The following SLC38A4 variants were observed in gnomAD, a reference collection of about 807,000 sequenced individuals.
The protein encoded by SLC38A4 is sodium-coupled neutral amino acid transporter 4.
A neutral mutation model predicts 63.1 loss-of-function variants in SLC38A4; 20 were observed. The ratio of observed to expected loss-of-function variants is 0.32; its 90% CI spans 0.22 to 0.46. The LOEUF (loss-of-function observed/expected upper bound fraction) is 0.46. Ranked by LOEUF, SLC38A4 falls within the 20% of genes least tolerant of loss-of-function variation. The probability of loss-of-function intolerance (pLI) is 1.00; values close to 1 mark genes in which losing one functional copy is unlikely to be tolerated. For missense variants in SLC38A4, 526 were observed against 663.6 expected, an observed-to-expected ratio of 0.79 and a Z score of 2.28; for synonymous variants, 230 against 225.5, an observed-to-expected ratio of 1.02 and a Z score of -0.18.
intron 5 of SLC38A4, among the ~76,000 whole-genome samples, chr12:46,785,463 T>C (rs573694338): frequency 2.0e-5 from 3 of 152,228 alleles, no homozygotes; most frequent in Admixed American, 2.0e-4. Context: ...TATAGCAACA[T>C]TAGCAAATGC....
At chr12:46,815,381 AC>A (rs998719459) in intron 1 of SLC38A4, among the ~76,000 whole-genome samples, 10 of 150,440 alleles carry the variant, frequency 6.6e-5, no homozygotes, top group African/African-American at 2.4e-4. Context: ...AATTAAGACC[AC>A]TTTTTGCTCG....
intron 1 of SLC38A4, among the ~76,000 whole-genome samples, chr12:46,822,864 T>C (rs370196236): frequency 1.3e-3 from 203 of 152,308 alleles, no homozygotes; most frequent in African/African-American, 4.3e-3. Flanking sequence ...TAAAGAATAA[T>C]GGAAAGCATT....
At chr12:46,778,240 GA>G in intron 12 of SLC38A4, 48 bp downstream of exon 12, 1 of 1,555,042 alleles carries the variant, frequency 6.4e-7, no homozygotes, top group South Asian at 1.1e-5. Flanking sequence ...TTGAACATAT[GA>G]GCAGAATTTC....
upstream of SLC38A4, among the ~76,000 whole-genome samples, chr12:46,828,974 G>A (rs1939695394): frequency 6.6e-6 from 1 of 152,046 alleles, no homozygotes; most frequent in Non-Finnish European, 1.5e-5. Flanking sequence ...TTAAGTTTTT[G>A]TTCTCCTCCC....
chr12:46,832,352 A>T (rs184343049), exon 1 of SLC38A4: 1 of 152,156 alleles, frequency 6.6e-6, no homozygotes, highest in African/African-American at 2.4e-5. Context: ...CCCTTTCCAG[A>T]CTGGGATTCA....
intron 12 of SLC38A4, among the ~76,000 whole-genome samples, chr12:46,777,886 T>C (rs1938563020): frequency 6.6e-6 from 1 of 152,066 alleles, no homozygotes; most frequent in South Asian, 2.1e-4. Flanking sequence ...AGGTGCTGAC[T>C]ATAAATGACA....
chr12:46,819,428 T>C (rs1939499876), intron 1 of SLC38A4, among the ~76,000 whole-genome samples: 1 of 151,892 alleles, frequency 6.6e-6, no homozygotes, highest in African/African-American at 2.4e-5. Context: ...ATTATATATA[T>C]GTATCAATAT....
intron 1 of SLC38A4, among the ~76,000 whole-genome samples, chr12:46,819,751 T>C (rs1272416429): frequency 1.3e-5 from 2 of 151,926 alleles, no homozygotes; most frequent in African/African-American, 2.4e-5. Context: ...CTTGGGAATG[T>C]TGAAAAATTT....
intron 2 of SLC38A4, among the ~76,000 whole-genome samples, chr12:46,797,694 T>C (rs1939044416): frequency 6.6e-6 from 1 of 152,152 alleles, no homozygotes; most frequent in Non-Finnish European, 1.5e-5. Flanking sequence ...TGGAGAACTC[T>C]GATGAATACA....
intron 5 of SLC38A4, among the ~76,000 whole-genome samples, chr12:46,785,975 C>A (rs190699011): frequency 7.2e-5 from 11 of 152,046 alleles, no homozygotes; most frequent in African/African-American, 2.6e-4. Flanking sequence ...AAAAAATACA[C>A]TTTCCCCACA....
chr12:46,785,082 T>G, intron 6 of SLC38A4, 22 bp downstream of exon 6: 1 of 1,562,474 alleles, frequency 6.4e-7, no homozygotes, highest in Admixed American at 1.7e-5. Context: ...ATAGAATGTG[T>G]TGGACTCAAG....
intron 7 of SLC38A4, among the ~76,000 whole-genome samples, chr12:46,781,574 T>A (rs944079898): frequency 6.6e-6 from 1 of 152,058 alleles, no homozygotes; most frequent in African/African-American, 2.4e-5. Flanking sequence ...AAATTAAGTG[T>A]TCTAAATGTA....
chr12:46,825,313 T>TTATATATATATATATA lies in SLC38A4; in HGVS notation c.-305+574_-305+589dup, dbSNP rs34878223. ...TTATAATTACTTTAATATACAAAGTTTATATATATATATATATTCCTTACA... is the reference window on the plus strand; with the variant it reads ...TTATAATTACTTTAATATACAAAGTTTATATATATATATATATATATATATATATATATTCCTTACA... On this transcript the variant is annotated intron_variant, in intron 1 of 16. Coordinates refer to ENST00000266579, the MANE Select transcript of SLC38A4 (RefSeq NM_018018.5). Among the ~76,000 whole-genome samples, 299 of 140,494 alleles carry TTATATATATATATATA rather than the reference T, an allele frequency of 2.1e-3. 4 individuals carry two copies. Among genetic ancestry groups the TTATATATATATATATA allele is most frequent in the African/African-American group, 7.4e-3 (285 of 38,520 alleles). 92.2% of individuals were successfully genotyped at this position (140,494 alleles called of 152,430 possible).
chr12:46,803,094 G>A (rs1309873669), intron 2 of SLC38A4, among the ~76,000 whole-genome samples: 2 of 152,014 alleles, frequency 1.3e-5, no homozygotes, highest in African/African-American at 4.8e-5. Flanking sequence ...TAATGGTACA[G>A]CCCAAACTCT....
At chr12:46,812,964 T>C (rs1005269095) in intron 1 of SLC38A4, among the ~76,000 whole-genome samples, 2 of 152,046 alleles carry the variant, frequency 1.3e-5, no homozygotes, top group Non-Finnish European at 2.9e-5. Flanking sequence ...GTCTTTAGTA[T>C]TTTTTTAATT....
chr12:46,774,831 AT>A lies in SLC38A4; in HGVS notation c.1299+217del, dbSNP rs561493864. On this transcript the variant is annotated intron_variant, in intron 14 of 16. Coordinates refer to ENST00000266579, the MANE Select transcript of SLC38A4 (RefSeq NM_018018.5). ...TTTGAGTTTAAAAATAAGTTTTATGATTTTTTTCCTACACTATAAAAATACC... is the reference window on the plus strand; with the variant it reads ...TTTGAGTTTAAAAATAAGTTTTATGATTTTTTCCTACACTATAAAAATACC... Among the ~76,000 whole-genome samples, 236 of 152,066 alleles carry A rather than the reference AT, an allele frequency of 1.6e-3. 1 individual carries two copies. Among genetic ancestry groups the A allele is most frequent in the African/African-American group, 5.3e-3 (220 of 41,524 alleles).
intron 2 of SLC38A4, among the ~76,000 whole-genome samples, chr12:46,798,958 T>C (rs12321267): frequency 0.14 from 21,541 of 152,128 alleles, 2,524 homozygotes; most frequent in African/African-American, 0.33. Context: ...TGGGTATAAA[T>C]CCTGGCTGCA....
chr12:46,818,269 A>G (rs1939478744), intron 1 of SLC38A4, among the ~76,000 whole-genome samples: 2 of 151,934 alleles, frequency 1.3e-5, no homozygotes, highest in African/African-American at 4.8e-5. Context: ...GTTCTGCCAC[A>G]CTAGAGTCTT....
Position 46,788,547 on chromosome 12 carries a change from G to A in SLC38A4, c.191C>T (p.Ala64Val). 6.2e-7 allele frequency: 1 copy of A among 1,613,340 alleles called. No individual in the cohort carries two copies. Among genetic ancestry groups the A allele is most frequent in the Non-Finnish European group, 8.5e-7 (1 of 1,179,716 alleles). The change falls in exon 4 of 17, where the codon GCA becomes GTA. Residue 64 changes from alanine to valine, a missense_variant. By Grantham distance (64) the Ala-to-Val change is moderately conservative. Transcript: ENST00000266579. The stretch of plus-strand genomic sequence containing the variant: ...ACTTACGTGTTCATCAGCATAATCT[G>A]CCAGCTTCTTTTTCCCCAAAAATCC... ...TNGFLGKKKL[A>V]DYADEHHPGT...
Sources: gnomAD v4.1 joint callset for allele counts (sites outside exome capture counted in the v4.1 genomes callset) on GRCh38, gnomAD v4.1.1 for gene constraint, MANE v1.5 for transcripts, NCBI Gene and HGNC (gene_info 2026-07-23, HGNC 2026-07-21) for gene names.